Variants in HEMK2 observed in about 807,000 individuals in gnomAD.
HEMK2 encodes methyltransferase HEMK2.
At chr21:28,780,966 C>T in the HEMK2 span, among the ~76,000 whole-genome samples, 3 of 152,178 alleles carry the variant, frequency 2.0e-5, no homozygotes, top group African/African-American at 7.2e-5. Flanking sequence ...GCAGTGAAGA[C>T]TTTTCATTGA....
chr21:28,638,329 G>A, the HEMK2 span, among the ~76,000 whole-genome samples: 1 of 152,084 alleles, frequency 6.6e-6, no homozygotes, highest in South Asian at 2.1e-4. Flanking sequence ...GTGAAAGGAG[G>A]TATAGGAAGA....
At chr21:28,877,298 A>AAGGAAGGG in the HEMK2 span, among the ~76,000 whole-genome samples, 3 of 94,056 alleles carry the variant, frequency 3.2e-5, no homozygotes, top group African/African-American at 8.0e-5. Context: ...GGAAGGAAGG[A>AAGGAAGGG]AGAGAGAGAG....
the HEMK2 span, among the ~76,000 whole-genome samples, chr21:28,576,514 C>T: frequency 1.3e-5 from 2 of 151,972 alleles, no homozygotes; most frequent in Non-Finnish European, 2.9e-5. Context: ...ATATATTTCT[C>T]TATATGTCTT....
chr21:28,846,498 T>C, the HEMK2 span, among the ~76,000 whole-genome samples: 1 of 152,190 alleles, frequency 6.6e-6, no homozygotes, highest in African/African-American at 2.4e-5. Context: ...TTCTAACTAG[T>C]ATCTTGGAAT....
chr21:28,746,924 C>T, the HEMK2 span, among the ~76,000 whole-genome samples: 1 of 152,190 alleles, frequency 6.6e-6, no homozygotes, highest in Non-Finnish European at 1.5e-5. Flanking sequence ...AAGAGAAGTT[C>T]TTAAAAGGCT....
At chr21:28,862,292 C>T in the HEMK2 span, among the ~76,000 whole-genome samples, 21 of 152,304 alleles carry the variant, frequency 1.4e-4, no homozygotes, top group Admixed American at 1.0e-3. Flanking sequence ...AGGAAAAAAA[C>T]CACGACCTGC....
chr21:28,720,919 T>G, the HEMK2 span, among the ~76,000 whole-genome samples: 1 of 152,146 alleles, frequency 6.6e-6, no homozygotes, highest in Non-Finnish European at 1.5e-5. Context: ...TAGTAAATAA[T>G]CTGGTAATAA....
chr21:28,726,227 ATTT>A, the HEMK2 span, among the ~76,000 whole-genome samples: 1 of 152,140 alleles, frequency 6.6e-6, no homozygotes, highest in African/African-American at 2.4e-5. Flanking sequence ...TCAAATGTAT[ATTT>A]TTAAGTTTTA....
the HEMK2 span, among the ~76,000 whole-genome samples, chr21:28,822,420 AAAAATGCTGAAT>A: frequency 6.6e-6 from 1 of 151,784 alleles, no homozygotes; most frequent in South Asian, 2.1e-4. Flanking sequence ...AATTTGCTTT[AAAAATGCTGAAT>A]TTCTTGGCTC....
At chr21:28,668,683 C>G in the HEMK2 span, among the ~76,000 whole-genome samples, 1 of 152,166 alleles carries the variant, frequency 6.6e-6, no homozygotes, top group Admixed American at 6.6e-5. Context: ...TACAATCAAT[C>G]ACACTTGCCA....
the HEMK2 span, among the ~76,000 whole-genome samples, chr21:28,576,139 T>C: frequency 1.3e-5 from 2 of 152,238 alleles, no homozygotes; most frequent in South Asian, 4.1e-4. Context: ...ATTGTAAATA[T>C]ATGTTTAATG....
the HEMK2 span, among the ~76,000 whole-genome samples, chr21:28,849,099 G>C: frequency 6.6e-6 from 1 of 152,176 alleles, no homozygotes; most frequent in South Asian, 2.1e-4. Flanking sequence ...CCACCCATCA[G>C]AGTGTTGTGG....
At chr21:28,825,621 G>A in the HEMK2 span, among the ~76,000 whole-genome samples, 7 of 152,194 alleles carry the variant, frequency 4.6e-5, no homozygotes, top group Non-Finnish European at 7.3e-5. Context: ...ACTGGATGTG[G>A]GTGCAAGGTG....
chr21:28,879,550 T>C, the HEMK2 span, among the ~76,000 whole-genome samples: 7 of 151,808 alleles, frequency 4.6e-5, no homozygotes, highest in Non-Finnish European at 1.0e-4. Flanking sequence ...AGTTAAAACC[T>C]TTTGTTTTGC....
At chr21:28,883,114 T>C in the HEMK2 span, 1 of 1,374,812 alleles carries the variant, frequency 7.3e-7, no homozygotes, top group African/African-American at 1.5e-5. Context: ...AGAATCAAAA[T>C]ACTCTTCACA....
the HEMK2 span, among the ~76,000 whole-genome samples, chr21:28,650,224 G>C: frequency 3.3e-5 from 5 of 152,098 alleles, no homozygotes; most frequent in African/African-American, 1.2e-4. Flanking sequence ...GTGAAACCCC[G>C]TCTCTACTAA....
the HEMK2 span, among the ~76,000 whole-genome samples, chr21:28,847,289 T>A: frequency 3.1e-3 from 468 of 152,318 alleles, 3 homozygotes; most frequent in Non-Finnish European, 3.9e-3. Context: ...GCATCATTTA[T>A]TTCTTGACAT....
the HEMK2 span, among the ~76,000 whole-genome samples, chr21:28,862,640 C>T: frequency 4.2e-5 from 5 of 119,610 alleles, 1 homozygote; most frequent in African/African-American, 1.7e-4. Flanking sequence ...AGCGAGACTC[C>T]GTCTCAAAAA....
chr21:28,759,491 T>C, the HEMK2 span, among the ~76,000 whole-genome samples: 2 of 152,202 alleles, frequency 1.3e-5, no homozygotes, highest in Non-Finnish European at 2.9e-5. Context: ...GACTTTGGAC[T>C]GTGGACTTTT....
Sources: allele counts gnomAD v4.1 joint callset (sites outside exome capture counted in the v4.1 genomes callset), GRCh38; gene constraint gnomAD v4.1.1; transcripts MANE v1.5; gene names NCBI Gene and HGNC (gene_info 2026-07-23, HGNC 2026-07-21).